The following SATB1 variants were observed in gnomAD, a reference collection of about 807,000 sequenced individuals.
The protein encoded by SATB1 is SATB homeobox 1.
SATB1 carries 11 observed loss-of-function variants against 86.9 expected under a neutral mutation model. The ratio of observed to expected loss-of-function variants is 0.13; its 90% CI spans 0.08 to 0.21. The LOEUF (loss-of-function observed/expected upper bound fraction) is 0.21. Ranked by LOEUF, SATB1 falls within the 10% of genes least tolerant of loss-of-function variation. The pLI is 1.00. For missense variants in SATB1, 551 were observed against 937.6 expected, an observed-to-expected ratio of 0.59 and a Z score of 5.39; for synonymous variants, 357 against 357.2, an observed-to-expected ratio of 1.00 and a Z score of 0.01.
chr3:18,415,255 A>G (rs1698050224), intron 4 of SATB1, 21 bp from the exon 5 acceptor site: 2 of 1,611,930 alleles, frequency 1.2e-6, no homozygotes, highest in Non-Finnish European at 1.7e-6. Context: ...CATAGATTAG[A>G]AAGGGGATTA....
At position 18,395,000 on chromosome 3, in the gene SATB1, A is replaced by G; in HGVS notation, c.752-84T>C. 8.7e-7 allele frequency: 1 copy of G among 1,146,938 alleles called. No homozygotes were observed. The highest frequency in any genetic ancestry group is 1.2e-6 in the Non-Finnish European group (1 of 831,832). 71.0% of individuals were successfully genotyped at this position (1,146,938 alleles called of 1,614,324 possible). ...TTTCTAACCATTTCCTAAATTAAAA[A>G]AGGGTAGGCACAGGGCACACCCCAA... On this transcript the variant is annotated intron_variant, in intron 6 of 10. Coordinates refer to ENST00000338745, the MANE Select transcript of SATB1 (RefSeq NM_002971.6). The surrounding 1 kb of genome is among the most constrained non-coding windows in gnomAD (Gnocchi z 5.9).
At chr3:18,397,918 G>A (rs950552206) in intron 5 of SATB1, among the ~76,000 whole-genome samples, 34 of 152,264 alleles carry the variant, frequency 2.2e-4, no homozygotes, top group African/African-American at 7.0e-4. Flanking sequence ...TTAACTGACC[G>A]TATTTGAGAA....
At position 18,425,042 on chromosome 3, in the gene SATB1, T is replaced by C. The variant is rs971496932; in HGVS notation, c.-1440A>G. Reference sequence around the variant, plus strand: ...CGCTGCCGTCTCTGCCCCCATTAAATTATTAGTTGACTCATCCCGGCCGCT... The same window carrying C: ...CGCTGCCGTCTCTGCCCCCATTAAACTATTAGTTGACTCATCCCGGCCGCT... On this transcript the variant is annotated 5_prime_UTR_variant, in exon 1 of 11. Transcript: ENST00000338745. 3.8e-5 allele frequency: 6 copies of C among 156,880 alleles called. No individual in the cohort carries two copies. Among genetic ancestry groups the C allele is most frequent in the Non-Finnish European group, 7.0e-5 (5 of 71,308 alleles). 9.7% of individuals were successfully genotyped at this position (156,880 alleles called of 1,614,324 possible). A position where few individuals can be genotyped will look rare whatever the true frequency, so the allele number is the denominator to read the frequency against.
At chr3:18,413,414 G>A (rs1012162632) in intron 5 of SATB1, among the ~76,000 whole-genome samples, 6 of 152,032 alleles carry the variant, frequency 3.9e-5, no homozygotes, top group African/African-American at 1.4e-4. Context: ...AGATCAATGG[G>A]ACATTTAGTA....
chr3:18,379,080 T>C (rs1025287463), intron 8 of SATB1, among the ~76,000 whole-genome samples: 17 of 152,308 alleles, frequency 1.1e-4, no homozygotes, highest in Admixed American at 8.5e-4. Context: ...TCACAAAATA[T>C]ATAATCAGTG....
intron 8 of SATB1, among the ~76,000 whole-genome samples, chr3:18,383,681 T>C (rs182983625): frequency 3.9e-4 from 56 of 143,708 alleles, no homozygotes; most frequent in Non-Finnish European, 5.1e-4. Context: ...TATCCTTTAT[T>C]TTAACTCATT....
rs188460511 is a variant in SATB1 at position 18,399,795 on chromosome 3, G to A, written c.640-2505C>T. Reference sequence around the variant, plus strand: ...GGATTCCCTATCTTTTTGTGCTTTTGGGTGACTGGGAAATATTTCCTAATT... The same window carrying A: ...GGATTCCCTATCTTTTTGTGCTTTTAGGTGACTGGGAAATATTTCCTAATT... On this transcript the variant is annotated intron_variant, in intron 5 of 10. Coordinates refer to ENST00000338745, the MANE Select transcript of SATB1 (RefSeq NM_002971.6). Among the ~76,000 whole-genome samples the A allele has an allele frequency of 1.4e-4, 21 of 152,192 alleles. 1 individual carries two copies. In the East Asian group the frequency reaches 3.5e-3, roughly 25 times the overall value.
At chr3:18,422,245 C>G (rs911779773) in intron 1 of SATB1, among the ~76,000 whole-genome samples, 2 of 152,084 alleles carry the variant, frequency 1.3e-5, no homozygotes, top group Non-Finnish European at 2.9e-5. Context: ...TACACTGGAG[C>G]TATTTAAATC....
intron 9 of SATB1, among the ~76,000 whole-genome samples, chr3:18,362,574 T>C (rs9714216): frequency 0.35 from 53,135 of 151,564 alleles, 10,356 homozygotes; most frequent in Admixed American, 0.5. Context: ...AAGGTTCAAA[T>C]TGAGCTCAGC....
At position 18,425,117 on chromosome 3, in the gene SATB1, G is replaced by A; in HGVS notation, c.-1515C>T. ...TCGGCTCCGCGCGTCCGCCCGGGCT[G>A]CAGCCCTCTCCGCCGCTGCTCCTGC... is the stretch of plus-strand genomic sequence containing the variant. On this transcript the variant is annotated 5_prime_UTR_variant, in exon 1 of 11. An upstream open reading frame in the 5' UTR gains an earlier in-frame stop. Transcript: ENST00000338745. 1.2e-5 allele frequency: 2 copies of A among 171,228 alleles called. No homozygotes were observed. Among genetic ancestry groups the A allele is most frequent in the South Asian group, 1.5e-4 (1 of 6,618 alleles). 10.6% of individuals were successfully genotyped at this position (171,228 alleles called of 1,614,324 possible).
intron 9 of SATB1, among the ~76,000 whole-genome samples, chr3:18,377,330 G>A (rs1158296534): frequency 6.6e-6 from 1 of 152,098 alleles, no homozygotes; most frequent in Non-Finnish European, 1.5e-5. Context: ...ATAGTGTTAT[G>A]AAATTCTTTT....
chr3:18,400,199 G>A (rs1204284157), intron 5 of SATB1, among the ~76,000 whole-genome samples: 1 of 152,152 alleles, frequency 6.6e-6, no homozygotes, highest in African/African-American at 2.4e-5. Context: ...TTCCATGTTA[G>A]AAAGGCTTGG....
intron 2 of SATB1, 68 bp from the exon 3 acceptor site, chr3:18,417,146 G>T: frequency 6.7e-7 from 1 of 1,494,190 alleles, no homozygotes; most frequent in Non-Finnish European, 9.2e-7. Flanking sequence ...TGGGGGTGGC[G>T]GGAGGAAATA....
At chr3:18,396,608 T>C (rs962287324) in intron 6 of SATB1, among the ~76,000 whole-genome samples, 15 of 152,188 alleles carry the variant, frequency 9.9e-5, no homozygotes, top group Admixed American at 4.6e-4. Flanking sequence ...TAAGATAGAA[T>C]GCTACCTTGG....
rs1426131136 is a variant in SATB1, at chr3:18,424,937, TTGTG to T, written c.-1339_-1336del. On this transcript the variant is annotated 5_prime_UTR_variant, in exon 1 of 11. An upstream open reading frame in the 5' UTR loses its in-frame stop. Transcript: ENST00000338745. The stretch of plus-strand genomic sequence containing the variant: ...GGCACAGGGAGAGGTGTGTGTGTGT[TTGTG>T]TGTGTGCGTGAGTGTGAGCGCGAGT... The T allele has an allele frequency of 3.9e-5, 6 of 151,912 alleles. No homozygotes were observed. Among genetic ancestry groups the T allele is most frequent in the African/African-American group, 7.7e-5 (3 of 38,756 alleles). 9.4% of individuals were successfully genotyped at this position (151,912 alleles called of 1,614,324 possible).
intron 5 of SATB1, among the ~76,000 whole-genome samples, chr3:18,414,419 T>A (rs1183683190): frequency 5.9e-5 from 9 of 151,956 alleles, no homozygotes; most frequent in African/African-American, 2.2e-4. Flanking sequence ...CCACCAAATT[T>A]ATTCTAAAAA....
chr3:18,398,600 T>C (rs57397627), intron 5 of SATB1, among the ~76,000 whole-genome samples: 10,361 of 152,214 alleles, frequency 0.068, 972 homozygotes, highest in African/African-American at 0.21. Flanking sequence ...GTTAATTCTG[T>C]AGCATGCACA....
chr3:18,370,916 T>C (rs1394118243), intron 9 of SATB1, among the ~76,000 whole-genome samples: 4 of 152,252 alleles, frequency 2.6e-5, no homozygotes, highest in African/African-American at 9.6e-5. Flanking sequence ...AGTGACATTC[T>C]GTCTCATTAG....
intron 2 of SATB1, chr3:18,435,106 C>T (rs1699016751): frequency 1.3e-5 from 2 of 152,114 alleles, no homozygotes; most frequent in East Asian, 1.9e-4. Flanking sequence ...AGTAATAATA[C>T]AGCTGACCTA....
Sources: gnomAD v4.1 joint callset for allele counts (sites outside exome capture counted in the v4.1 genomes callset) on GRCh38, gnomAD v4.1.1 for gene constraint, Gnocchi (gnomAD v3.1) non-coding constraint, MANE v1.5 for transcripts, NCBI Gene and HGNC (gene_info 2026-07-23, HGNC 2026-07-21) for gene names.